HELZ: variants seen among roughly 807,000 people sequenced by gnomAD.
HELZ encodes the protein ATP-dependent RNA helicase with zinc finger domain.
HELZ carries 23 observed loss-of-function variants against 218.2 expected under a neutral mutation model. The observed-to-expected ratio is 0.11, with a 90% CI of 0.08 to 0.15. The LOEUF is 0.15. Ranked by LOEUF, HELZ falls within the 10% of genes least tolerant of loss-of-function variation. HELZ has a pLI of 1.00. For missense variants in HELZ, 1,813 were observed against 2,353.7 expected, an observed-to-expected ratio of 0.77 and a Z score of 4.75; for synonymous variants, 814 against 829.4, an observed-to-expected ratio of 0.98 and a Z score of 0.32.
At chr17:67,149,567 T>C (rs912886511) in intron 19 of HELZ, among the ~76,000 whole-genome samples, 1 of 152,116 alleles carries the variant, frequency 6.6e-6, no homozygotes, top group Non-Finnish European at 1.5e-5. Flanking sequence ...GGAATGATCA[T>C]TTAAATTTCA....
intron 3 of HELZ, among the ~76,000 whole-genome samples, chr17:67,236,137 T>C (rs544935732): frequency 2.6e-5 from 4 of 152,280 alleles, no homozygotes; most frequent in East Asian, 1.9e-4. Context: ...CAATAGTTAA[T>C]TGCATAATAT....
At chr17:67,148,546 C>G in intron 20 of HELZ, 23 bp downstream of exon 20, 4 of 1,597,472 alleles carry the variant, frequency 2.5e-6, no homozygotes, top group Non-Finnish European at 2.6e-6. Context: ...AAGTATGACA[C>G]GGAGGGGGCA....
At chr17:67,141,233 A>G (rs2038312043) in intron 21 of HELZ, among the ~76,000 whole-genome samples, 1 of 152,204 alleles carries the variant, frequency 6.6e-6, no homozygotes, top group Admixed American at 6.5e-5. Flanking sequence ...AGCAACTGCA[A>G]AAACCCATAT....
At chr17:67,085,003 G>A (rs2036321865) in intron 32 of HELZ, among the ~76,000 whole-genome samples, 1 of 152,196 alleles carries the variant, frequency 6.6e-6, no homozygotes, top group East Asian at 1.9e-4. Context: ...CTACTCGGGA[G>A]GCTGAGGCAG....
rs778151555 is a variant in HELZ at position 67,190,292 on chromosome 17, T to C, written c.621A>G (p.Glu207=). The change falls in exon 10 of 33, where the codon GAA becomes GAG. Residue 207 remains glutamate (E), a synonymous_variant. Transcript: ENST00000358691. ...CATATCTTTTCTGCCATTCTGCTAGTTCTTCCTGGGAATGTGCTGAAGTAC... is the reference window on the plus strand; with the variant it reads ...CATATCTTTTCTGCCATTCTGCTAGCTCTTCCTGGGAATGTGCTGAAGTAC... The part of the protein sequence containing the change: ...AQCTSAHSQE[E]LAEWQKRYAS... The C allele has an allele frequency of 2.5e-6, 4 of 1,614,166 alleles. No homozygotes were observed. The Admixed American group carries it at 6.7e-5, about 27-fold the overall frequency.
chr17:67,099,160 T>C (rs961852072), intron 31 of HELZ, among the ~76,000 whole-genome samples: 1 of 152,078 alleles, frequency 6.6e-6, no homozygotes, highest in Admixed American at 6.5e-5. Context: ...TATCTTTTAT[T>C]TTCTTTTCTT....
intron 7 of HELZ, among the ~76,000 whole-genome samples, chr17:67,197,445 T>A (rs2040060694): frequency 6.6e-6 from 1 of 152,208 alleles, no homozygotes; most frequent in Non-Finnish European, 1.5e-5. Flanking sequence ...TTCTCACACT[T>A]CTGCCCCCCT....
chr17:67,100,918 G>A (rs2036905989), intron 31 of HELZ, among the ~76,000 whole-genome samples: 1 of 151,814 alleles, frequency 6.6e-6, no homozygotes, highest in Non-Finnish European at 1.5e-5. Flanking sequence ...GGCTAACATG[G>A]TGAACCCCCG....
rs9899554 is a variant in HELZ at position 67,128,954 on chromosome 17, C to A, written c.3183-99G>T. 68 of 901,986 alleles carry A rather than the reference C, an allele frequency of 7.5e-5. No individual in the cohort carries two copies. The African/African-American group carries it at 1.1e-3, about 14-fold the overall frequency. 55.9% of individuals were successfully genotyped at this position (901,986 alleles called of 1,614,324 possible). A position where few individuals can be genotyped will look rare whatever the true frequency, so the allele number is the denominator to read the frequency against. On this transcript the variant is annotated intron_variant, in intron 23 of 32. Coordinates refer to ENST00000358691, the MANE Select transcript of HELZ (RefSeq NM_014877.4). The stretch of plus-strand genomic sequence containing the variant: ...GATAATCTCAAATTCCACCCCCAAC[C>A]TCAAATCCTTAAACCCAATAGTCAT...
At chr17:67,225,124 T>C (rs2040855942) in intron 3 of HELZ, 1 of 425,342 alleles carries the variant, frequency 2.4e-6, no homozygotes, top group Non-Finnish European at 4.3e-6. Flanking sequence ...AAAGCATTTG[T>C]TTTAACAACT....
chr17:67,100,362 G>T (rs1276129334), intron 31 of HELZ, among the ~76,000 whole-genome samples: 1 of 152,158 alleles, frequency 6.6e-6, no homozygotes, highest in Non-Finnish European at 1.5e-5. Flanking sequence ...CTAAGATGAT[G>T]TAAGTAAATG....
chr17:67,188,890 A>T lies in HELZ; in HGVS notation c.865-274T>A, dbSNP rs1322959840. On this transcript the variant is annotated intron_variant, in intron 11 of 32. Coordinates refer to ENST00000358691, the MANE Select transcript of HELZ (RefSeq NM_014877.4). This position sits in a 1 kb window ranked among gnomAD's most constrained non-coding sequence, Gnocchi z 4.1. The stretch of plus-strand genomic sequence containing the variant: ...CACCCTATATAACCATCAACCTTCA[A>T]ACTTTCCATACTCTTCACCTACAGA... 6.6e-6 allele frequency among the ~76,000 whole-genome samples: 1 copy of T among 152,104 alleles called. No individual in the cohort carries two copies. The highest frequency in any genetic ancestry group is 1.5e-5 in the Non-Finnish European group (1 of 68,004).
intron 2 of HELZ, among the ~76,000 whole-genome samples, chr17:67,240,284 G>A (rs1158892317): frequency 2.0e-5 from 3 of 152,122 alleles, no homozygotes; most frequent in African/African-American, 7.2e-5. Flanking sequence ...CTTCCACACT[G>A]CCAGAATATC....
chr17:67,217,834 T>C (rs1161150697), intron 4 of HELZ, among the ~76,000 whole-genome samples: 2 of 152,162 alleles, frequency 1.3e-5, no homozygotes, highest in Non-Finnish European at 2.9e-5. Context: ...AACCCCAATA[T>C]TCCCAATCTC....
chr17:67,217,445 A>G (rs2040629154), intron 4 of HELZ, among the ~76,000 whole-genome samples: 1 of 152,162 alleles, frequency 6.6e-6, no homozygotes, highest in Non-Finnish European at 1.5e-5. Flanking sequence ...CCTTGCATCA[A>G]CGCTTATCCC....
chr17:67,117,411 C>T (rs1485230389), intron 27 of HELZ, among the ~76,000 whole-genome samples: 1 of 152,110 alleles, frequency 6.6e-6, no homozygotes, highest in South Asian at 2.1e-4. Flanking sequence ...AGGAAGCATA[C>T]TGAACTAAAT....
At chr17:67,144,673 G>A (rs1400739665) in intron 21 of HELZ, among the ~76,000 whole-genome samples, 7 of 151,850 alleles carry the variant, frequency 4.6e-5, no homozygotes, top group African/African-American at 1.5e-4. Context: ...GCTCAGCTCT[G>A]ATCCCTGATG....
chr17:67,122,276 TG>T (rs1334454926), intron 26 of HELZ, among the ~76,000 whole-genome samples: 1 of 152,134 alleles, frequency 6.6e-6, no homozygotes, highest in Non-Finnish European at 1.5e-5. Context: ...CCAGGTGCAG[TG>T]GCTCACACCT....
chr17:67,120,720 C>A, intron 26 of HELZ, 108 bp from the exon 27 acceptor site: 3 of 690,168 alleles, frequency 4.3e-6, no homozygotes, highest in East Asian at 5.4e-5. Context: ...TACAAACACA[C>A]ACACACACAG....
Sources: allele counts gnomAD v4.1 joint callset (sites outside exome capture counted in the v4.1 genomes callset), GRCh38; gene constraint gnomAD v4.1.1; non-coding constraint Gnocchi (gnomAD v3.1); transcripts MANE v1.5; gene names NCBI Gene and HGNC (gene_info 2026-07-23, HGNC 2026-07-21).